CNTN5: variants seen among roughly 807,000 people sequenced by gnomAD.
CNTN5 encodes contactin 5.
In CNTN5, 77 loss-of-function variants were observed where a neutral mutation model predicts 129.1. That is an observed-to-expected ratio of 0.60 (90% CI 0.50 to 0.72). The LOEUF (loss-of-function observed/expected upper bound fraction) is 0.72. Ranked by LOEUF, CNTN5 falls within the 30% of genes least tolerant of loss-of-function variation. The pLI, the probability that CNTN5 is intolerant of heterozygous loss-of-function variation, is 0.00. For synonymous variants in CNTN5, 509 were observed against 465.6 expected (o/e 1.09, Z -1.20); for missense variants, 1,478 against 1,328.8 (o/e 1.11, Z -1.75).
chr11:99,164,125 A>G (rs188179332), intron 1 of CNTN5, among the ~76,000 whole-genome samples: 1 of 152,258 alleles, frequency 6.6e-6, no homozygotes, highest in East Asian at 1.9e-4. Flanking sequence ...TAGGAGTTCA[A>G]GACCAGCCTG....
chr11:100,022,390 G>C (rs1941209231), intron 9 of CNTN5, among the ~76,000 whole-genome samples: 1 of 152,022 alleles, frequency 6.6e-6, no homozygotes, highest in Admixed American at 6.6e-5. Context: ...CTTTCTATCT[G>C]TCCCCTATGT....
chr11:100,213,471 A>C (rs374572449), intron 15 of CNTN5, among the ~76,000 whole-genome samples: 3 of 152,158 alleles, frequency 2.0e-5, no homozygotes, highest in African/African-American at 4.8e-5. Context: ...TATCAATCTG[A>C]CTTGACTTTG....
At chr11:99,427,594 G>C (rs1463752230) in intron 2 of CNTN5, among the ~76,000 whole-genome samples, 1 of 151,488 alleles carries the variant, frequency 6.6e-6, no homozygotes, top group Non-Finnish European at 1.5e-5. Flanking sequence ...GTAAAACCCT[G>C]TCTCTACTAA....
intron 3 of CNTN5, among the ~76,000 whole-genome samples, chr11:99,609,069 C>T (rs533523871): frequency 1.3e-5 from 2 of 152,210 alleles, no homozygotes; most frequent in East Asian, 3.9e-4. Context: ...TCCCTTTCTT[C>T]CTGGAAATGA....
chr11:99,791,191 G>A (rs1945729237), intron 3 of CNTN5, among the ~76,000 whole-genome samples: 1 of 151,642 alleles, frequency 6.6e-6, no homozygotes, highest in South Asian at 2.1e-4. Flanking sequence ...AATTGATTTT[G>A]GGGGTCTTAG....
chr11:100,029,270 C>T (rs1941582733), intron 9 of CNTN5, among the ~76,000 whole-genome samples: 1 of 152,120 alleles, frequency 6.6e-6, no homozygotes, highest in Non-Finnish European at 1.5e-5. Context: ...CTTTAAATCA[C>T]TAAATAAGAC....
At chr11:100,350,944 G>A (rs985825677) in intron 24 of CNTN5, 74 bp downstream of exon 24, 3 of 1,113,156 alleles carry the variant, frequency 2.7e-6, no homozygotes, top group African/African-American at 3.2e-5. Context: ...CACGAAAATT[G>A]ATGTGATAGA....
intron 8 of CNTN5, among the ~76,000 whole-genome samples, chr11:99,997,911 A>ATTAT (rs1156584485): frequency 6.6e-6 from 1 of 152,208 alleles, no homozygotes; most frequent in Admixed American, 6.5e-5. Context: ...AAACCACATG[A>ATTAT]TTATCTCAAT....
intron 2 of CNTN5, among the ~76,000 whole-genome samples, chr11:99,382,779 C>T (rs77973383): frequency 0.011 from 1,556 of 145,094 alleles, 10 homozygotes; most frequent in South Asian, 0.024. Context: ...CTCAGTAACA[C>T]GTGTTTCATT....
chr11:99,779,321 A>G (rs1164570987), intron 3 of CNTN5, among the ~76,000 whole-genome samples: 1 of 152,002 alleles, frequency 6.6e-6, no homozygotes, highest in Admixed American at 6.6e-5. Flanking sequence ...CTGAATTCAG[A>G]TATGGAAATA....
chr11:99,540,262 CAAAG>C (rs1342501988), intron 2 of CNTN5, among the ~76,000 whole-genome samples: 1 of 151,954 alleles, frequency 6.6e-6, no homozygotes, highest in East Asian at 1.9e-4. Context: ...AGTTCTGAGA[CAAAG>C]AAAGAACGAA....
At chr11:99,445,551 A>G (rs1003646527) in intron 2 of CNTN5, among the ~76,000 whole-genome samples, 28 of 152,120 alleles carry the variant, frequency 1.8e-4, no homozygotes, top group African/African-American at 6.8e-4. Flanking sequence ...TACTAACATT[A>G]ATTTATCTTT....
chr11:99,615,398 C>T (rs979579880), intron 3 of CNTN5, among the ~76,000 whole-genome samples: 1 of 152,030 alleles, frequency 6.6e-6, no homozygotes, highest in Non-Finnish European at 1.5e-5. Context: ...ATAAACCCAA[C>T]TTTTTAAGAA....
At chr11:99,726,791 T>C (rs1454059430) in intron 3 of CNTN5, among the ~76,000 whole-genome samples, 7 of 152,174 alleles carry the variant, frequency 4.6e-5, no homozygotes, top group African/African-American at 1.7e-4. Flanking sequence ...GCAGGTCATA[T>C]AACCACTGCA....
At chr11:99,812,021 A>G (rs998494151) in intron 3 of CNTN5, among the ~76,000 whole-genome samples, 1 of 152,094 alleles carries the variant, frequency 6.6e-6, no homozygotes, top group Non-Finnish European at 1.5e-5. Context: ...TGATGGGAGA[A>G]TAAATGGACC....
chr11:99,103,707 A>G (rs1866852953), intron 1 of CNTN5, among the ~76,000 whole-genome samples: 1 of 152,012 alleles, frequency 6.6e-6, no homozygotes, highest in Non-Finnish European at 1.5e-5. Context: ...AAATATCTTC[A>G]TATCAGATCT....
chr11:100,112,567 G>T (rs567701223), intron 13 of CNTN5, among the ~76,000 whole-genome samples: 2 of 152,220 alleles, frequency 1.3e-5, no homozygotes, highest in South Asian at 4.1e-4. Flanking sequence ...TAGAGATACG[G>T]TAGGGTGCTT....
chr11:99,234,046 G>A (rs920229017), intron 1 of CNTN5, among the ~76,000 whole-genome samples: 6 of 152,256 alleles, frequency 3.9e-5, no homozygotes, highest in South Asian at 2.1e-4. Context: ...CATAGAAATG[G>A]AAACTATAAA....
At chr11:99,836,371 C>T (rs1343410509) in intron 4 of CNTN5, among the ~76,000 whole-genome samples, 1 of 150,110 alleles carries the variant, frequency 6.7e-6, no homozygotes, top group Admixed American at 6.7e-5. Context: ...CAATTCCTAC[C>T]TATGAGTGAG....
Sources: allele counts gnomAD v4.1 joint callset (sites outside exome capture counted in the v4.1 genomes callset), GRCh38; gene constraint gnomAD v4.1.1; transcripts MANE v1.5; gene names NCBI Gene and HGNC (gene_info 2026-07-23, HGNC 2026-07-21).